Variants in MGAT4C observed in about 807,000 individuals in gnomAD.
The protein encoded by MGAT4C is alpha-1,3-mannosyl-glycoprotein 4-beta-N-acetylglucosaminyltransferase C.
A neutral mutation model predicts 40.1 loss-of-function variants in MGAT4C; 19 were observed. The observed-to-expected ratio is 0.47, with a 90% confidence interval of 0.33 to 0.70. MGAT4C has a LOEUF of 0.70. Ranked by LOEUF, MGAT4C falls within the 30% of genes least tolerant of loss-of-function variation. The pLI is 0.02. For synonymous variants in MGAT4C, 181 were observed against 187.1 expected, an observed-to-expected ratio of 0.97 and a Z score of 0.27; for missense variants, 491 against 563.2, an observed-to-expected ratio of 0.87 and a Z score of 1.30.
chr12:86,713,571 T>G (rs937235772), intron 2 of MGAT4C, among the ~76,000 whole-genome samples: 2 of 152,130 alleles, frequency 1.3e-5, no homozygotes, highest in Non-Finnish European at 2.9e-5. Context: ...CAAGAAAGGA[T>G]AGTTTCATGA....
rs190800654 is a variant in MGAT4C at position 86,784,883 on chromosome 12, T to C, written c.-262+53783A>G. On this transcript the variant is annotated intron_variant, in intron 1 of 7. Transcript: ENST00000548651. ...AGTTCTGAAAAACTAACTCAAGCAA[T>C]ACAGAGAAAGGGAAATGATTGTAGG... Among the ~76,000 whole-genome samples the C allele has an allele frequency of 5.9e-5, 9 of 151,934 alleles. No homozygotes were observed. In the East Asian group the frequency reaches 1.7e-3, roughly 29 times the overall value.
chr12:86,701,786 T>C (rs1362223351), intron 2 of MGAT4C, among the ~76,000 whole-genome samples: 2 of 152,052 alleles, frequency 1.3e-5, no homozygotes, highest in African/African-American at 2.4e-5. Flanking sequence ...GTAAAACTTT[T>C]TGAAGGGAAT....
intron 1 of MGAT4C, among the ~76,000 whole-genome samples, chr12:86,819,027 G>A (rs1290083321): frequency 6.6e-6 from 1 of 150,912 alleles, no homozygotes; most frequent in African/African-American, 2.4e-5. Context: ...CATTCCTGGT[G>A]CAAATGCAAA....
Position 85,977,622 on chromosome 12 carries a change from C to A in MGAT4C, c.*1667G>T, listed in dbSNP as rs1884091885. 1 of 151,368 alleles carries A rather than the reference C, an allele frequency of 6.6e-6. No individual in the cohort carries two copies. The highest frequency in any genetic ancestry group is 1.5e-5 in the Non-Finnish European group (1 of 67,552). 9.4% of individuals were successfully genotyped at this position (151,368 alleles called of 1,614,324 possible). A position where few individuals can be genotyped will look rare whatever the true frequency, so the allele number is the denominator to read the frequency against. On this transcript the variant is annotated 3_prime_UTR_variant, in exon 5 of 5. Coordinates refer to ENST00000611864, the MANE Select transcript of MGAT4C (RefSeq NM_001351288.2). ...GAAATAAAAAGTTTCCATTTTTTAT[C>A]TGAGTTTCTCATTTATTTGCAGAGA...
intron 1 of MGAT4C, among the ~76,000 whole-genome samples, chr12:86,747,517 C>T (rs1471418320): frequency 6.6e-6 from 1 of 151,336 alleles, no homozygotes; most frequent in East Asian, 2.0e-4. Flanking sequence ...AAATTTTGTC[C>T]TAAATTGGAT....
At chr12:86,491,247 A>T (rs1454561928) in intron 2 of MGAT4C, among the ~76,000 whole-genome samples, 1 of 152,214 alleles carries the variant, frequency 6.6e-6, no homozygotes, top group Non-Finnish European at 1.5e-5. Flanking sequence ...TCCTTCTGAA[A>T]CTATTCCAAT....
At chr12:86,776,588 T>C (rs1951752376) in intron 1 of MGAT4C, among the ~76,000 whole-genome samples, 1 of 152,070 alleles carries the variant, frequency 6.6e-6, no homozygotes, top group African/African-American at 2.4e-5. Context: ...CTCAAAGTCT[T>C]GTATGGGCTG....
intron 4 of MGAT4C, among the ~76,000 whole-genome samples, chr12:86,296,442 G>A (rs189559107): frequency 2.7e-4 from 41 of 152,346 alleles, no homozygotes; most frequent in African/African-American, 9.9e-4. Flanking sequence ...ACTGGGCGCC[G>A]TGGAGCAGGG....
At chr12:86,470,673 A>G (rs866843629) in intron 2 of MGAT4C, among the ~76,000 whole-genome samples, 4 of 152,184 alleles carry the variant, frequency 2.6e-5, no homozygotes, top group African/African-American at 9.6e-5. Flanking sequence ...CAATAGGCAA[A>G]GGGCATATTT....
rs1190950251 is a variant in MGAT4C at position 86,623,947 on chromosome 12, C to A, written c.-229+103262G>T. 3.3e-5 allele frequency among the ~76,000 whole-genome samples: 5 copies of A among 152,138 alleles called. No individual in the cohort carries two copies. The East Asian group carries it at 9.7e-4, about 29-fold the overall frequency. On this transcript the variant is annotated intron_variant, in intron 2 of 7. Coordinates refer to the MGAT4C transcript ENST00000548651. ...CAACCTAGCAGAAAATGGAGGCATCCAAATAAGATTCAAGTTCTACTAAAA... is the reference window on the plus strand; with the variant it reads ...CAACCTAGCAGAAAATGGAGGCATCAAAATAAGATTCAAGTTCTACTAAAA...
intron 3 of MGAT4C, among the ~76,000 whole-genome samples, chr12:85,988,193 G>A (rs938785432): frequency 2.9e-4 from 44 of 152,208 alleles, no homozygotes; most frequent in African/African-American, 1.0e-3. Context: ...AACATTAAGG[G>A]TCCACAACAT....
At chr12:86,043,734 C>T (rs574906493) in intron 2 of MGAT4C, among the ~76,000 whole-genome samples, 2 of 152,294 alleles carry the variant, frequency 1.3e-5, no homozygotes, top group South Asian at 4.1e-4. Flanking sequence ...TTTGCTTTCT[C>T]CCCCTCTCTT....
intron 2 of MGAT4C, among the ~76,000 whole-genome samples, chr12:86,470,493 C>T (rs371002608): frequency 6.6e-6 from 1 of 152,070 alleles, no homozygotes; most frequent in African/African-American, 2.4e-5. Flanking sequence ...ATCATTCAAC[C>T]CACAGAAGAC....
chr12:86,150,995 T>C (rs757980406), intron 1 of MGAT4C, among the ~76,000 whole-genome samples: 11 of 152,178 alleles, frequency 7.2e-5, no homozygotes, highest in Admixed American at 2.0e-4. Context: ...CCAGTGCAAT[T>C]GAACTCAGCT....
At chr12:86,152,889 T>A (rs1017512631) in intron 1 of MGAT4C, among the ~76,000 whole-genome samples, 7 of 152,134 alleles carry the variant, frequency 4.6e-5, no homozygotes, top group African/African-American at 1.7e-4. Flanking sequence ...TTCCAAAGTA[T>A]CCTCTCTTGC....
intron 1 of MGAT4C, among the ~76,000 whole-genome samples, chr12:86,085,001 T>C (rs1170293626): frequency 1.3e-5 from 2 of 152,048 alleles, no homozygotes; most frequent in African/African-American, 4.8e-5. Flanking sequence ...GGTTAAGATT[T>C]TGGGTTTTAT....
intron 1 of MGAT4C, among the ~76,000 whole-genome samples, chr12:86,788,102 T>C (rs1051879237): frequency 6.6e-6 from 1 of 151,528 alleles, no homozygotes; most frequent in Non-Finnish European, 1.5e-5. Flanking sequence ...TTTACTTATA[T>C]ATATATTTTA....
At chr12:86,364,989 C>T (rs10858418) in intron 3 of MGAT4C, among the ~76,000 whole-genome samples, 110,480 of 152,036 alleles carry the variant, frequency 0.73, 40,381 homozygotes, top group East Asian at 0.91. Flanking sequence ...GAGCAGACAA[C>T]TGGTCTGACC....
In MGAT4C at chr12:86,603,880, A is replaced by G. The variant is rs867726006; in HGVS notation, c.-229+123329T>C. On this transcript the variant is annotated intron_variant, in intron 2 of 7. Coordinates refer to the MGAT4C transcript ENST00000548651. ...AAATTTGCGAAGAGAGTATATCTTA[A>G]GTACTTATGGGACACACAAAAGATA... is the stretch of plus-strand genomic sequence containing the variant. 6.9e-4 allele frequency among the ~76,000 whole-genome samples: 103 copies of G among 148,882 alleles called. 1 individual carries two copies. The highest frequency in any genetic ancestry group is 2.5e-3 in the African/African-American group (100 of 40,660).
Sources: gnomAD v4.1 joint callset for allele counts (sites outside exome capture counted in the v4.1 genomes callset) on GRCh38, gnomAD v4.1.1 for gene constraint, MANE v1.5 for transcripts, NCBI Gene and HGNC (gene_info 2026-07-23, HGNC 2026-07-21) for gene names.